CRNN: variants seen among roughly 807,000 people sequenced by gnomAD.
CRNN encodes 53 kDa putative calcium-binding protein.
In CRNN, 39 loss-of-function variants were observed where a neutral mutation model predicts 44.7. The observed-to-expected ratio is 0.87, with a 90% CI of 0.68 to 1.14. The LOEUF is 1.14. Ranked by LOEUF, CRNN falls within the 50% of genes most tolerant of loss-of-function variation. CRNN has a pLI of 0.00. For synonymous variants in CRNN, 240 were observed against 231.8 expected (o/e 1.04, Z -0.32); for missense variants, 606 against 605.1 (o/e 1.00, Z -0.02).
intron 1 of CRNN, among the ~76,000 whole-genome samples, chr1:152,413,174 C>T (rs375765261): frequency 6.6e-6 from 1 of 152,212 alleles, no homozygotes; most frequent in Admixed American, 6.5e-5. Flanking sequence ...CCAACAGGCA[C>T]GTGGCTCCAT....
chr1:152,412,267 C>A lies in CRNN; in HGVS notation c.-13-21G>T, dbSNP rs576420759. 4.4e-6 allele frequency: 7 copies of A among 1,589,344 alleles called. No individual in the cohort carries two copies. In the African/African-American group the frequency reaches 9.4e-5, roughly 21 times the overall value. On this transcript the variant is annotated intron_variant, in intron 1 of 2. Coordinates refer to ENST00000271835, the MANE Select transcript of CRNN (RefSeq NM_016190.3). ...TCAACCTGGAAAAGATGAAAAGTTC[C>A]CTTGGAGGCTCCATAATCAACCTCA...
In CRNN at chr1:152,409,902, C is replaced by T; in HGVS notation, c.1180G>A (p.Glu394Lys). ...CCTCCCGGTACTGTCTCTCCTGCCT[C>T]AGGGTTGCTCACTTGCATCCATCTT... ...GQRWMQVSNPEAGETVPGGQA... is the reference protein window; with the variant it reads ...GQRWMQVSNPKAGETVPGGQA... Residue 394 changes from glutamate to lysine, a missense_variant, in exon 3 of 3, where the codon GAG (glutamate) becomes AAG (lysine). Physicochemically the swap from Glu to Lys is moderately conservative, Grantham distance 56. Transcript: ENST00000271835. 1 of 1,614,242 alleles carries T rather than the reference C, an allele frequency of 6.2e-7. No individual in the cohort carries two copies. Among genetic ancestry groups the T allele is most frequent in the Non-Finnish European group, 8.5e-7 (1 of 1,180,046 alleles).
intron 1 of CRNN, among the ~76,000 whole-genome samples, 185 bp downstream of exon 1, chr1:152,414,029 C>T (rs1310508074): frequency 6.6e-6 from 1 of 152,248 alleles, no homozygotes; most frequent in Non-Finnish European, 1.5e-5. Context: ...CCAGGCCAGC[C>T]TCAGGGAGGA....
chr1:152,413,058 G>T (rs564109443), intron 1 of CRNN, among the ~76,000 whole-genome samples: 1 of 152,060 alleles, frequency 6.6e-6, no homozygotes, highest in East Asian at 1.9e-4. Flanking sequence ...TGCTCAGGAG[G>T]GGGGAACCTT....
Position 152,409,405 on chromosome 1 carries a change from G to T in CRNN, c.*189C>A. ...CTCCTGAGAGGGTCTGCACCGCAAA[G>T]CAGGTAAGAAAGAAGAGTTCAGGAT... On this transcript the variant is annotated 3_prime_UTR_variant, in exon 3 of 3. Coordinates refer to ENST00000271835, the MANE Select transcript of CRNN (RefSeq NM_016190.3). 1 of 1,077,312 alleles carries T rather than the reference G, an allele frequency of 9.3e-7. No individual in the cohort carries two copies. Among genetic ancestry groups the T allele is most frequent in the Non-Finnish European group, 1.3e-6 (1 of 776,254 alleles). The allele number at this position is 1,077,312 out of a possible 1,614,324, so 66.7% of individuals were successfully genotyped here.
chr1:152,410,066 C>T lies in CRNN; in HGVS notation c.1016G>A (p.Ser339Asn), dbSNP rs772353204. ...EIHGQGRSQTSQAVTGGHTQI... is the reference protein window; with the variant it reads ...EIHGQGRSQTNQAVTGGHTQI... ...AGTGTGTCCTCCTGTCACAGCCTGG[C>T]TGGTCTGGCTCCTGCCTTGACCGTG... The change falls in exon 3 of 3, where the codon AGC (serine) becomes AAC (asparagine). Residue 339 changes from serine to asparagine, a missense_variant. Physicochemically the swap from Ser to Asn is conservative, Grantham distance 46. Transcript: ENST00000271835. The T allele has an allele frequency of 6.2e-6, 10 of 1,613,912 alleles. No individual in the cohort carries two copies. The highest frequency in any genetic ancestry group is 1.6e-4 in the Middle Eastern group (1 of 6,082).
Position 152,410,411 on chromosome 1 carries a change from C to T in CRNN, c.671G>A (p.Gly224Asp), listed in dbSNP as rs954213376. The T allele has an allele frequency of 1.2e-6, 2 of 1,614,178 alleles. No individual in the cohort carries two copies. Among genetic ancestry groups the T allele is most frequent in the Non-Finnish European group, 1.7e-6 (2 of 1,180,024 alleles). Residue 224 changes from glycine (G) to aspartate (D), a missense_variant, in exon 3 of 3, where the codon GGT becomes GAT. Gly to Asp is a moderately conservative substitution (Grantham distance 94). Transcript: ENST00000271835. ...TREQDRAHQT[G>D]ETVTGSGTQT... ...AGTTCCAGATCCAGTCACAGTCTCA[C>T]CTGTCTGGTGGGCTCTGTCCTGTTC...
intron 1 of CRNN, 63 bp from the exon 2 acceptor site, chr1:152,412,309 C>T: frequency 6.7e-7 from 1 of 1,499,296 alleles, no homozygotes; most frequent in East Asian, 2.3e-5. Flanking sequence ...TCCTTTATAG[C>T]ACGTCTGCTG....
rs768126837 is a variant in CRNN, at chr1:152,409,917, G to A, written c.1165C>T (p.Gln389Ter). Residue 389 changes from glutamine to a stop codon, truncating the protein, a stop_gained, in exon 3 of 3, where the codon CAA (glutamine) becomes TAA (stop). Coordinates refer to ENST00000271835, the MANE Select transcript of CRNN (RefSeq NM_016190.3). LOFTEE classifies it high-confidence loss of function. Reference sequence around the variant, plus strand: ...TCTCCTGCCTCAGGGTTGCTCACTTGCATCCATCTTTGACCACTGCCTGGC... The same window carrying A: ...TCTCCTGCCTCAGGGTTGCTCACTTACATCCATCTTTGACCACTGCCTGGC... ...TQPGSGQRWM[Q>*]VSNPEAGETV... The A allele has an allele frequency of 1.9e-6, 3 of 1,614,102 alleles. No individual in the cohort carries two copies. Among genetic ancestry groups the A allele is most frequent in the South Asian group, 1.1e-5 (1 of 91,086 alleles).
In CRNN at chr1:152,410,234, G is replaced by C; in HGVS notation, c.848C>G (p.Thr283Arg). 6.2e-7 allele frequency: 1 copy of C among 1,613,390 alleles called. No homozygotes were observed. Among genetic ancestry groups the C allele is most frequent in the Non-Finnish European group, 8.5e-7 (1 of 1,179,584 alleles). ...TGCCTGTATCTGAGCATGTCCTCCT[G>C]TCACAGCCTGGCTGGTCTGGCTCCT... ...QGRSQTSQAV[T>R]GGHAQIQAGT... The change falls in exon 3 of 3, where the codon ACA (threonine) becomes AGA (arginine). Residue 283 changes from threonine to arginine, a missense_variant. Coordinates refer to ENST00000271835, the MANE Select transcript of CRNN (RefSeq NM_016190.3).
At position 152,410,026 on chromosome 1, in the gene CRNN, C is replaced by A. The variant is rs116665071; in HGVS notation, c.1056G>T (p.Gly352=). 3.2e-5 allele frequency: 51 copies of A among 1,613,968 alleles called. 1 individual carries two copies. The African/African-American group carries it at 5.2e-4, about 16-fold the overall frequency. ...VTGGHTQIQA[G]SHTETVEQDR... is the part of the protein sequence containing the mutation. ...CCTGCTCCACAGTCTCGGTGTGTGA[C>A]CCTGCCTGTATCTGAGTGTGTCCTC... Residue 352 remains glycine, a synonymous_variant, in exon 3 of 3, where the codon GGG becomes GGT. Transcript: ENST00000271835.
In CRNN at chr1:152,410,820, T is replaced by C; in HGVS notation, c.262A>G (p.Thr88Ala). 4 of 1,614,196 alleles carry C rather than the reference T, an allele frequency of 2.5e-6. 1 individual carries two copies. The South Asian group carries it at 4.4e-5, about 18-fold the overall frequency. The part of the protein sequence containing the change: ...VFKVAQACFK[T>A]LSESAEGACG... ...GCTCCCTCAGCACTCTCGCTCAGTG[T>C]CTTGAAACAGGCCTGGGCAACTTTA... The change falls in exon 3 of 3, where the codon ACA becomes GCA. Residue 88 changes from threonine (T) to alanine (A), a missense_variant. Thr to Ala is a moderately conservative substitution (Grantham distance 58). Coordinates refer to ENST00000271835, the MANE Select transcript of CRNN (RefSeq NM_016190.3).
chr1:152,409,762 C>T lies in CRNN; in HGVS notation c.1320G>A (p.Glu440=). Residue 440 remains glutamate (E), a synonymous_variant, in exon 3 of 3, where the codon GAG becomes GAA. Transcript: ENST00000271835. Reference sequence around the variant, plus strand: ...CCCTTGAGTGGTCATCAACCCATTCCTCACCAACCACTGTGGGCTGTCTGT... The same window carrying T: ...CCCTTGAGTGGTCATCAACCCATTCTTCACCAACCACTGTGGGCTGTCTGT... ...QGDRQPTVVG[E]EWVDDHSRET... 6.2e-7 allele frequency: 1 copy of T among 1,614,260 alleles called. No homozygotes were observed. The highest frequency in any genetic ancestry group is 8.5e-7 in the Non-Finnish European group (1 of 1,180,050).
chr1:152,410,032 C>T lies in CRNN; in HGVS notation c.1050G>A (p.Gln350=). The change falls in exon 3 of 3, where the codon CAG becomes CAA. Residue 350 remains glutamine, a synonymous_variant. Transcript: ENST00000271835. The part of the protein sequence containing the change: ...QAVTGGHTQI[Q]AGSHTETVEQ... ...CCACAGTCTCGGTGTGTGACCCTGC[C>T]TGTATCTGAGTGTGTCCTCCTGTCA... is the stretch of plus-strand genomic sequence containing the variant. 1 of 1,613,976 alleles carries T rather than the reference C, an allele frequency of 6.2e-7. No individual in the cohort carries two copies.
intron 1 of CRNN, among the ~76,000 whole-genome samples, chr1:152,413,467 G>GA (rs1655827259): frequency 1.3e-5 from 2 of 152,096 alleles, no homozygotes; most frequent in South Asian, 4.2e-4. Flanking sequence ...GGTAGGAGAA[G>GA]AAAGAGAAAA....
intron 2 of CRNN, among the ~76,000 whole-genome samples, chr1:152,411,176 A>G (rs1570966483): frequency 3.9e-5 from 6 of 152,218 alleles, no homozygotes; most frequent in Admixed American, 3.9e-4. Flanking sequence ...TCTGGGCTAC[A>G]GGAAAATTAG....
chr1:152,411,086 C>T (rs1400636021), intron 2 of CRNN, 143 bp from the exon 3 acceptor site: 1 of 1,379,228 alleles, frequency 7.3e-7, no homozygotes, highest in Non-Finnish European at 9.3e-7. Flanking sequence ...ACTTAATTGC[C>T]TTTATTTTTT....
At position 152,409,781 on chromosome 1, in the gene CRNN, T is replaced by C. The variant is rs1372424992; in HGVS notation, c.1301A>G (p.Gln434Arg). ...RCVTEGQGDR[Q>R]PTVVGEEWVD... is the part of the protein sequence containing the mutation. ...CCATTCCTCACCAACCACTGTGGGC[T>C]GTCTGTCTCCCTGCCCTTCTGTCAC... Residue 434 changes from glutamine (Q) to arginine (R), a missense_variant, in exon 3 of 3, where the codon CAG becomes CGG. Coordinates refer to ENST00000271835, the MANE Select transcript of CRNN (RefSeq NM_016190.3). 1 of 1,614,204 alleles carries C rather than the reference T, an allele frequency of 6.2e-7. No individual in the cohort carries two copies. Among genetic ancestry groups the C allele is most frequent in the East Asian group, 2.2e-5 (1 of 44,880 alleles).
intron 1 of CRNN, 128 bp from the exon 2 acceptor site, chr1:152,412,374 T>C: frequency 1.1e-6 from 1 of 929,168 alleles, no homozygotes; most frequent in Non-Finnish European, 1.6e-6. Flanking sequence ...TGTCCTTTCC[T>C]ACATAATGCA....
Sources: gnomAD v4.1 joint callset for allele counts (sites outside exome capture counted in the v4.1 genomes callset) on GRCh38, gnomAD v4.1.1 for gene constraint, MANE v1.5 for transcripts, NCBI Gene and HGNC (gene_info 2026-07-23, HGNC 2026-07-21) for gene names.